MTA3: variants seen among roughly 807,000 people sequenced by gnomAD.
MTA3 encodes metastasis-associated protein MTA3.
MTA3 carries 34 observed loss-of-function variants against 83.5 expected under a neutral mutation model. The observed-to-expected ratio is 0.41, with a 90% CI of 0.31 to 0.54. The LOEUF (loss-of-function observed/expected upper bound fraction) is 0.54. MTA3 is among the 20% of genes least tolerant of loss of function. The pLI is 0.33. For synonymous variants in MTA3, 303 were observed against 252.7 expected (o/e 1.20, Z -1.89); for missense variants, 761 against 726.4 (o/e 1.05, Z -0.55).
At chr2:42,568,514 C>G (rs1036165973), upstream of MTA3, 1 of 261,992 alleles carries the variant, frequency 3.8e-6, no homozygotes, top group Admixed American at 5.4e-5. Context: ...TCCCCCGGCC[C>G]GGCCCACTCG....
chr2:42,638,597 G>C (rs1224824919), intron 4 of MTA3, among the ~76,000 whole-genome samples: 1 of 151,870 alleles, frequency 6.6e-6, no homozygotes, highest in Non-Finnish European at 1.5e-5. Context: ...AAACTCCTGG[G>C]CTCAAGCGAT....
rs79776207 is a variant in MTA3 at position 42,644,050 on chromosome 2, G to A, written c.382-77G>A. Reference sequence around the variant, plus strand: ...ACTCTCTGGGGTTTATATGTTCATTGTAGCAACATTGATTTTAATGCTTTA... The same window carrying A: ...ACTCTCTGGGGTTTATATGTTCATTATAGCAACATTGATTTTAATGCTTTA... On this transcript the variant is annotated intron_variant, in intron 5 of 16. Coordinates refer to ENST00000405094, the MANE Select transcript of MTA3 (RefSeq NM_001330442.2). The A allele has an allele frequency of 5.9e-3, 5,057 of 853,838 alleles. 169 individuals carry two copies. In the African/African-American group the frequency reaches 0.076, roughly 13 times the overall value. 52.9% of individuals were successfully genotyped at this position (853,838 alleles called of 1,614,324 possible).
intron 4 of MTA3, among the ~76,000 whole-genome samples, chr2:42,611,956 T>A (rs574487801): frequency 6.6e-6 from 1 of 152,190 alleles, no homozygotes. Context: ...TGCTTTCTGC[T>A]ATGGCCTGCT....
chr2:42,752,929 C>T (rs4953636), intron 16 of MTA3, among the ~76,000 whole-genome samples: 97,599 of 148,156 alleles, frequency 0.66, 32,188 homozygotes, highest in East Asian at 0.79. Flanking sequence ...ATTGTGAGCC[C>T]TTTTTTTTTT....
At chr2:42,728,086 ACCT>A (rs1350214434) in intron 16 of MTA3, among the ~76,000 whole-genome samples, 1 of 152,006 alleles carries the variant, frequency 6.6e-6, no homozygotes, top group Non-Finnish European at 1.5e-5. Context: ...CATTAATCAT[ACCT>A]CCTACCACTA....
At chr2:42,750,528 T>C (rs1314956820) in intron 16 of MTA3, among the ~76,000 whole-genome samples, 1 of 152,198 alleles carries the variant, frequency 6.6e-6, no homozygotes, top group Non-Finnish European at 1.5e-5. Context: ...TGTAGGGTGA[T>C]CAGGTTGGCC....
intron 2 of MTA3, among the ~76,000 whole-genome samples, chr2:42,554,718 A>G (rs1048918076): frequency 1.3e-5 from 2 of 152,168 alleles, no homozygotes; most frequent in African/African-American, 2.4e-5. Flanking sequence ...GATATTCTAA[A>G]TAGAGGGACA....
intron 3 of MTA3, among the ~76,000 whole-genome samples, chr2:42,592,021 T>A (rs535527463): frequency 1.3e-5 from 2 of 150,178 alleles, no homozygotes; most frequent in Non-Finnish European, 3.0e-5. Context: ...CCCAGCACTT[T>A]GGGGGGCTGA....
chr2:42,603,874 C>T (rs950614386), intron 3 of MTA3, among the ~76,000 whole-genome samples: 9 of 152,058 alleles, frequency 5.9e-5, no homozygotes, highest in African/African-American at 1.7e-4. Context: ...CCTCAGCCTC[C>T]CCACTACCTG....
intron 5 of MTA3, among the ~76,000 whole-genome samples, chr2:42,642,141 C>A (rs549250269): frequency 1.3e-5 from 2 of 152,212 alleles, no homozygotes; most frequent in African/African-American, 2.4e-5. Flanking sequence ...CTATCTGGAA[C>A]CTTTTCTTCT....
intron 2 of MTA3, among the ~76,000 whole-genome samples, chr2:42,574,175 C>G (rs1231228714): frequency 7.2e-6 from 1 of 138,802 alleles, no homozygotes; most frequent in Non-Finnish European, 1.5e-5. Flanking sequence ...GCTGTTCTTG[C>G]CCAGGCTGGA....
At chr2:42,618,967 C>T (rs1474034252) in intron 4 of MTA3, among the ~76,000 whole-genome samples, 1 of 152,142 alleles carries the variant, frequency 6.6e-6, no homozygotes, top group East Asian at 1.9e-4. Context: ...TTGGCAACAT[C>T]TGACTGACAG....
At chr2:42,654,727 A>G (rs1358308700) in intron 6 of MTA3, among the ~76,000 whole-genome samples, 2 of 151,956 alleles carry the variant, frequency 1.3e-5, no homozygotes, top group African/African-American at 2.4e-5. Context: ...CAGCCTTTCC[A>G]CCTCAGCTTC....
chr2:42,683,259 C>G (rs1692087533), intron 9 of MTA3, among the ~76,000 whole-genome samples: 1 of 152,142 alleles, frequency 6.6e-6, no homozygotes, highest in South Asian at 2.1e-4. Context: ...CTGCTTTAAG[C>G]TTTCTGTATT....
chr2:42,581,116 T>G (rs1286048113), intron 3 of MTA3, among the ~76,000 whole-genome samples: 1 of 152,186 alleles, frequency 6.6e-6, no homozygotes, highest in Non-Finnish European at 1.5e-5. Context: ...TGTTTCTGTA[T>G]AGAAAGTGTT....
At chr2:42,599,223 A>G (rs1421552783) in intron 3 of MTA3, among the ~76,000 whole-genome samples, 1 of 152,052 alleles carries the variant, frequency 6.6e-6, no homozygotes, top group Non-Finnish European at 1.5e-5. Context: ...ACATGTTTTC[A>G]TATTATGGGG....
At chr2:42,594,097 G>A (rs888276153) in intron 3 of MTA3, among the ~76,000 whole-genome samples, 10 of 151,734 alleles carry the variant, frequency 6.6e-5, no homozygotes, top group African/African-American at 2.4e-4. Flanking sequence ...GATTACAGGC[G>A]CACACCACCA....
In MTA3 at chr2:42,708,964, C is replaced by T. The variant is rs762561082; in HGVS notation, c.1393C>T (p.Arg465Cys). The T allele has an allele frequency of 4.8e-5, 77 of 1,613,896 alleles. No individual in the cohort carries two copies. Among genetic ancestry groups the T allele is most frequent in the Admixed American group, 6.7e-5 (4 of 59,998 alleles). Residue 465 changes from arginine (R) to cysteine (C), a missense_variant, in exon 14 of 17, where the codon CGC becomes TGC. Transcript: ENST00000405094. The part of the protein sequence containing the change: ...TGSPKSAVKT[R>C]QAFFLHTTYF... Reference sequence around the variant, plus strand: ...GAGTCCAAAGTCTGCAGTGAAGACCCGCCAAGCTTTCTTCCTTCATACTAC... The same window carrying T: ...GAGTCCAAAGTCTGCAGTGAAGACCTGCCAAGCTTTCTTCCTTCATACTAC...
chr2:42,619,798 T>C (rs1280041659), intron 4 of MTA3, among the ~76,000 whole-genome samples: 1 of 152,210 alleles, frequency 6.6e-6, no homozygotes, highest in African/African-American at 2.4e-5. Flanking sequence ...AACAGTAAGA[T>C]GTTACTTACC....
Sources: allele counts gnomAD v4.1 joint callset (sites outside exome capture counted in the v4.1 genomes callset), GRCh38; gene constraint gnomAD v4.1.1; transcripts MANE v1.5; gene names NCBI Gene and HGNC (gene_info 2026-07-23, HGNC 2026-07-21).